The following TBX6 variants were observed in gnomAD, a reference collection of about 807,000 sequenced individuals.
The protein encoded by TBX6 is T-box transcription factor TBX6.
In TBX6, 29 loss-of-function variants were observed where a neutral mutation model predicts 42.3. That is an observed-to-expected ratio of 0.69 (90% CI 0.51 to 0.93). The LOEUF is 0.93. Among genes scored for constraint, TBX6 ranks in the 40% least tolerant of loss-of-function variants. TBX6 has a pLI of 0.00. For synonymous variants in TBX6, 249 were observed against 245.1 expected (o/e 1.02, Z -0.15); for missense variants, 569 against 603.3 (o/e 0.94, Z 0.59).
chr16:30,089,184 G>T lies in TBX6; in HGVS notation c.380C>A (p.Ser127Ter). 6.2e-7 allele frequency: 1 copy of T among 1,613,888 alleles called. No individual in the cohort carries two copies. The highest frequency in any genetic ancestry group is 1.1e-5 in the South Asian group (1 of 91,048). ...GRRMFPACRV[S>*]VTGLDPEARY... ...GGCCTCGGGGTCCAGGCCAGTGACT[G>T]ACACTCGGCAGGCAGGGAACATGCG... is the stretch of plus-strand genomic sequence containing the variant. The change falls in exon 4 of 9, where the codon TCA becomes TAA. Residue 127 changes from serine to a stop codon, truncating the protein, a stop_gained. Transcript: ENST00000395224. LOFTEE classifies it high-confidence loss of function.
rs376817900 is a variant in TBX6 at position 30,088,761 on chromosome 16, C to G, written c.700G>C (p.Gly234Arg). ...RAAQLCSQHW[G>R]GMASFRFPET... ...GGGAAGCGGAAGGAGGCCATGCCCCCCCAGTGCTGGCTGCAGAGCTGGGCT... is the reference window on the plus strand; with the variant it reads ...GGGAAGCGGAAGGAGGCCATGCCCCGCCAGTGCTGGCTGCAGAGCTGGGCT... The change falls in exon 5 of 9, where the codon GGG (glycine) becomes CGG (arginine). Residue 234 changes from glycine to arginine, a missense_variant. Physicochemically the swap from Gly to Arg is moderately radical, Grantham distance 125. Transcript: ENST00000395224. The surrounding 1 kb of genome is among the most constrained non-coding windows in gnomAD (Gnocchi z 4.1). 64 of 1,613,932 alleles carry G rather than the reference C, an allele frequency of 4.0e-5. No homozygotes were observed. Among genetic ancestry groups the G allele is most frequent in the Non-Finnish European group, 4.2e-5 (49 of 1,179,950 alleles).
At position 30,086,641 on chromosome 16, in the gene TBX6, T is replaced by C. The variant is rs1237722764; in HGVS notation, c.968A>G (p.Asp323Gly). The change falls in exon 8 of 9, where the codon GAT becomes GGT. Residue 323 changes from aspartate (D) to glycine (G), a missense_variant. Physicochemically the swap from Asp to Gly is moderately conservative, Grantham distance 94. Around this residue, in one of 3 missense-constraint regions of TBX6, gnomAD observed 245 missense variants for 227.4 expected, o/e 1.08. Coordinates refer to ENST00000395224, the MANE Select transcript of TBX6 (RefSeq NM_004608.4). The surrounding 1 kb of genome is among the most constrained non-coding windows in gnomAD (Gnocchi z 4.6). ...STLGGDIRES[D>G]PEQAPAPGEA... Reference sequence around the variant, plus strand: ...CCCGGGGGCTGGGGCCTGTTCTGGATCTGATTCACGAATGTCTCCACCCAG... The same window carrying C: ...CCCGGGGGCTGGGGCCTGTTCTGGACCTGATTCACGAATGTCTCCACCCAG... 6.2e-7 allele frequency: 1 copy of C among 1,608,102 alleles called. No homozygotes were observed. The highest frequency in any genetic ancestry group is 1.1e-5 in the South Asian group (1 of 90,624).
chr16:30,090,192 G>C (rs1034528406), intron 3 of TBX6, among the ~76,000 whole-genome samples: 2 of 152,234 alleles, frequency 1.3e-5, no homozygotes, highest in African/African-American at 4.8e-5. Flanking sequence ...GCAGCTCTTA[G>C]ATGAATTTGC....
intron 6 of TBX6, 176 bp from the exon 7 acceptor site, chr16:30,087,027 T>G: frequency 1.4e-6 from 1 of 722,654 alleles, no homozygotes; most frequent in Non-Finnish European, 2.2e-6. Context: ...AACTAGAAAG[T>G]GGCAGAGCTG....
In TBX6 at chr16:30,089,906, C is replaced by T. The variant is rs1333463991; in HGVS notation, c.354-696G>A. On this transcript the variant is annotated intron_variant, in intron 3 of 8. Transcript: ENST00000395224. ...CGAGATCGTGCCACTACACTCTAGC[C>T]TGGGCAACAGAGCGAGACTCCATCT... Among the ~76,000 whole-genome samples, 4 of 145,582 alleles carry T rather than the reference C, an allele frequency of 2.7e-5. No homozygotes were observed. In the East Asian group the frequency reaches 8.0e-4, roughly 29 times the overall value.
rs771855960 is a variant in TBX6 at position 30,086,568 on chromosome 16, C to G, written c.1041G>C (p.Glu347Asp). 2 of 1,544,832 alleles carry G rather than the reference C, an allele frequency of 1.3e-6. No individual in the cohort carries two copies. The highest frequency in any genetic ancestry group is 1.7e-6 in the Non-Finnish European group (2 of 1,150,056). The part of the protein sequence containing the change: ...PAPLCGGPSA[E>D]AYLLHPAAFH... Reference sequence around the variant, plus strand: ...AAGCCGCAGGGTGCAGGAGGTAGGCCTCAGCACTGGGGCCACCACACAGAG... The same window carrying G: ...AAGCCGCAGGGTGCAGGAGGTAGGCGTCAGCACTGGGGCCACCACACAGAG... The change falls in exon 8 of 9, where the codon GAG (glutamate) becomes GAC (aspartate). Residue 347 changes from glutamate to aspartate, a missense_variant. By Grantham distance (45) the Glu-to-Asp change is conservative. This residue lies in a region of TBX6 where 245 missense variants were observed against 227.4 expected (regional missense o/e 1.08). Transcript: ENST00000395224. This position sits in a 1 kb window ranked among gnomAD's most constrained non-coding sequence, Gnocchi z 4.6.
rs2072622888 is a variant in TBX6, at chr16:30,086,144, G to C, written c.*81C>G. ...GCGGCCATTTGGTGTGGGGGATGGG[G>C]CCGGTGGAGGTGAGGGGGCTCCAGG... is the stretch of plus-strand genomic sequence containing the variant. On this transcript the variant is annotated 3_prime_UTR_variant, in exon 9 of 9. Coordinates refer to ENST00000395224, the MANE Select transcript of TBX6 (RefSeq NM_004608.4). The surrounding 1 kb of genome is among the most constrained non-coding windows in gnomAD (Gnocchi z 4.6). 18 of 1,493,072 alleles carry C rather than the reference G, an allele frequency of 1.2e-5. No individual in the cohort carries two copies. The highest frequency in any genetic ancestry group is 1.5e-5 in the Non-Finnish European group (16 of 1,094,974). The allele number at this position is 1,493,072 out of a possible 1,614,324, so 92.5% of individuals were successfully genotyped here.
At position 30,088,383 on chromosome 16, in the gene TBX6, GTCCC is replaced by G; in HGVS notation, c.839+158_839+161del. ...TGTTTTATCTCCAGTGCCTGGAACT[GTCCC>G]TGGCACATAGCAGGTACTATATAAG... On this transcript the variant is annotated intron_variant, in intron 6 of 8. Transcript: ENST00000395224. The surrounding 1 kb of genome is among the most constrained non-coding windows in gnomAD (Gnocchi z 4.1). 5 of 1,011,342 alleles carry G rather than the reference GTCCC, an allele frequency of 4.9e-6. No homozygotes were observed. Among genetic ancestry groups the G allele is most frequent in the Admixed American group, 2.0e-5 (1 of 48,992 alleles). The allele number at this position is 1,011,342 out of a possible 1,614,324, so 62.6% of individuals were successfully genotyped here.
chr16:30,089,174 G>A lies in TBX6; in HGVS notation c.390C>T (p.Gly130=), dbSNP rs1414904843. Residue 130 remains glycine (G), a synonymous_variant, in exon 4 of 9, where the codon GGC becomes GGT. Transcript: ENST00000395224. ...ACAAGTAGCGGGCCTCGGGGTCCAG[G>A]CCAGTGACTGACACTCGGCAGGCAG... is the stretch of plus-strand genomic sequence containing the variant. ...MFPACRVSVT[G]LDPEARYLFL... 1.2e-6 allele frequency: 2 copies of A among 1,613,986 alleles called. No homozygotes were observed. The highest frequency in any genetic ancestry group is 1.1e-5 in the South Asian group (1 of 91,080).
Position 30,086,499 on chromosome 16 carries a change from C to A in TBX6, c.1097+13G>T. On this transcript the variant is annotated intron_variant, in intron 8 of 8. Coordinates refer to ENST00000395224, the MANE Select transcript of TBX6 (RefSeq NM_004608.4). This position sits in a 1 kb window ranked among gnomAD's most constrained non-coding sequence, Gnocchi z 4.6. ...GGGACCCGCAGCCCCGCCTGGTCCCCTGTCCCACTCACCTGGTGGGAAGGT... is the reference window on the plus strand; with the variant it reads ...GGGACCCGCAGCCCCGCCTGGTCCCATGTCCCACTCACCTGGTGGGAAGGT... The A allele has an allele frequency of 6.7e-7, 1 of 1,493,234 alleles. No individual in the cohort carries two copies. The highest frequency in any genetic ancestry group is 8.9e-7 in the Non-Finnish European group (1 of 1,125,022). The allele number at this position is 1,493,234 out of a possible 1,614,324, so 92.5% of individuals were successfully genotyped here.
In TBX6 at chr16:30,086,186, G is replaced by A. The variant is rs1470918905; in HGVS notation, c.*39C>T. The A allele has an allele frequency of 5.0e-6, 8 of 1,601,264 alleles. No individual in the cohort carries two copies. Among genetic ancestry groups the A allele is most frequent in the South Asian group, 1.1e-5 (1 of 90,074 alleles). Reference sequence around the variant, plus strand: ...GGCTCCAGGGCTGGGGGAAGGGAGCGGGAGGTTTGTGATGGAGGCAGAGGG... The same window carrying A: ...GGCTCCAGGGCTGGGGGAAGGGAGCAGGAGGTTTGTGATGGAGGCAGAGGG... On this transcript the variant is annotated 3_prime_UTR_variant, in exon 9 of 9. Transcript: ENST00000395224. The surrounding 1 kb of genome is among the most constrained non-coding windows in gnomAD (Gnocchi z 4.6).
rs2072675733 is a variant in TBX6, at chr16:30,088,673, C to A, written c.768+20G>T. On this transcript the variant is annotated intron_variant, in intron 5 of 8. Transcript: ENST00000395224. This position sits in a 1 kb window ranked among gnomAD's most constrained non-coding sequence, Gnocchi z 4.1. ...CGGTCTGGGCAGGGGGCCACCACCC[C>A]CTCAAGCAGGGTCACTCACCTGTGG... is the stretch of plus-strand genomic sequence containing the variant. 1.9e-6 allele frequency: 3 copies of A among 1,614,086 alleles called. No individual in the cohort carries two copies.
chr16:30,086,604 A>T lies in TBX6; in HGVS notation c.1005T>A (p.Ala335=), dbSNP rs1164477068. ...EQAPAPGEAT[A]APAPLCGGPS... is the part of the protein sequence containing the mutation. The stretch of plus-strand genomic sequence containing the variant: ...GGCCACCACACAGAGGTGCCGGGGC[A>T]GCGGTGGCTTCCCCGGGGGCTGGGG... The change falls in exon 8 of 9, where the codon GCT becomes GCA. Residue 335 remains alanine (A), a synonymous_variant. Transcript: ENST00000395224. This position sits in a 1 kb window ranked among gnomAD's most constrained non-coding sequence, Gnocchi z 4.6. 1.3e-6 allele frequency: 2 copies of T among 1,585,736 alleles called. No individual in the cohort carries two copies. Among genetic ancestry groups the T allele is most frequent in the East Asian group, 4.5e-5 (2 of 44,218 alleles).
Position 30,089,209 on chromosome 16 carries a change from G to C in TBX6, c.355C>G (p.Arg119Gly). ...GACACTCGGCAGGCAGGGAACATGC[G>C]CCTGTGCAAGGGAGGGGACAGGAGA... ...TEMIITKAGR[R>G]MFPACRVSVT... Residue 119 changes from arginine (R) to glycine (G), a missense_variant and splice_region_variant, in exon 4 of 9, where the codon CGC becomes GGC. Physicochemically the swap from Arg to Gly is moderately radical, Grantham distance 125. Coordinates refer to ENST00000395224, the MANE Select transcript of TBX6 (RefSeq NM_004608.4). The C allele has an allele frequency of 6.2e-7, 1 of 1,612,882 alleles. No individual in the cohort carries two copies.
At chr16:30,090,677 C>T (rs901454625) in intron 3 of TBX6, 81 bp downstream of exon 3, 40 of 1,414,206 alleles carry the variant, frequency 2.8e-5, no homozygotes, top group Non-Finnish European at 3.6e-5. Flanking sequence ...CGGGAACCAC[C>T]CAGTCCTAGC....
rs143748514 is a variant in TBX6, at chr16:30,088,735, G to A, written c.726C>T (p.Pro242=). 576 of 1,614,068 alleles carry A rather than the reference G, an allele frequency of 3.6e-4. No individual in the cohort carries two copies. Among genetic ancestry groups the A allele is most frequent in the Non-Finnish European group, 4.3e-4 (507 of 1,179,954 alleles). Residue 242 remains proline (P), a synonymous_variant, in exon 5 of 9, where the codon CCC becomes CCT. Coordinates refer to ENST00000395224, the MANE Select transcript of TBX6 (RefSeq NM_004608.4). The surrounding 1 kb of genome is among the most constrained non-coding windows in gnomAD (Gnocchi z 4.1). ...HWGGMASFRF[P]ETTFISVTAY... The stretch of plus-strand genomic sequence containing the variant: ...CTGTCACGGAGATGAATGTGGTCTC[G>A]GGGAAGCGGAAGGAGGCCATGCCCC...
Position 30,086,615 on chromosome 16 carries a change from C to T in TBX6, c.994G>A (p.Glu332Lys), listed in dbSNP as rs374335976. 3.8e-6 allele frequency: 6 copies of T among 1,592,290 alleles called. No homozygotes were observed. The highest frequency in any genetic ancestry group is 1.7e-4 in the Middle Eastern group (1 of 5,790). The change falls in exon 8 of 9, where the codon GAA (glutamate) becomes AAA (lysine). Residue 332 changes from glutamate (E) to lysine (K), a missense_variant. Around this residue, in one of 3 missense-constraint regions of TBX6, gnomAD observed 245 missense variants for 227.4 expected, o/e 1.08. Transcript: ENST00000395224. The surrounding 1 kb of genome is among the most constrained non-coding windows in gnomAD (Gnocchi z 4.6). ...SDPEQAPAPGEATAAPAPLCG... is the reference protein window; with the variant it reads ...SDPEQAPAPGKATAAPAPLCG... ...AGAGGTGCCGGGGCAGCGGTGGCTT[C>T]CCCGGGGGCTGGGGCCTGTTCTGGA...
rs149419681 is a variant in TBX6 at position 30,089,764 on chromosome 16, T to C, written c.354-554A>G. ...GGCCAATATGGTGAAACACCGTCTC[T>C]ACTAAAACTACAAAAATTAGCCGGG... On this transcript the variant is annotated intron_variant, in intron 3 of 8. Transcript: ENST00000395224. 3.6e-3 allele frequency among the ~76,000 whole-genome samples: 543 copies of C among 152,070 alleles called. 1 individual carries two copies. The highest frequency in any genetic ancestry group is 0.012 in the African/African-American group (497 of 41,482).
Position 30,089,216 on chromosome 16 carries a change from C to G in TBX6, c.354-6G>C. On this transcript the variant is annotated splice_polypyrimidine_tract_variant and splice_region_variant and intron_variant, in intron 3 of 8. Transcript: ENST00000395224. ...GGCAGGCAGGGAACATGCGCCTGTG[C>G]AAGGGAGGGGACAGGAGAGGCCTGG... The G allele has an allele frequency of 6.2e-7, 1 of 1,611,180 alleles. No homozygotes were observed. Among genetic ancestry groups the G allele is most frequent in the Non-Finnish European group, 8.5e-7 (1 of 1,178,218 alleles).
Sources: gnomAD v4.1 joint callset for allele counts (sites outside exome capture counted in the v4.1 genomes callset) on GRCh38, gnomAD v4.1.1 for gene constraint, gnomAD v4.1.1 regional missense constraint, Gnocchi (gnomAD v3.1) non-coding constraint, MANE v1.5 for transcripts, NCBI Gene and HGNC (gene_info 2026-07-23, HGNC 2026-07-21) for gene names.